The following RAB12 variants were observed in gnomAD, a reference collection of about 807,000 sequenced individuals.
RAB12 encodes RAB12, member RAS oncogene family.
Under a neutral mutation model 28.4 loss-of-function variants are expected in RAB12, and 11 were observed. The observed-to-expected ratio is 0.39, with a 90% CI of 0.24 to 0.64. RAB12 has a LOEUF of 0.64. RAB12 is among the 30% of genes least tolerant of loss of function. The pLI is 0.50. For synonymous variants in RAB12, 138 were observed against 145.3 expected (o/e 0.95, Z 0.36); for missense variants, 276 against 351.1 (o/e 0.79, Z 1.71).
In RAB12 at chr18:8,609,794, G is replaced by T; in HGVS notation, c.355G>T (p.Ala119Ser). 2.1e-6 allele frequency: 3 copies of T among 1,404,428 alleles called. No homozygotes were observed. Among genetic ancestry groups the T allele is most frequent in the South Asian group, 1.6e-5 (1 of 62,018 alleles). The allele number at this position is 1,404,428 out of a possible 1,614,324, so 87.0% of individuals were successfully genotyped here. ...GGGGLGAGSPALSGGQGRRRK... is the reference protein window; with the variant it reads ...GGGGLGAGSPSLSGGQGRRRK... Reference sequence around the variant, plus strand: ...CGGCGGTCTGGGCGCGGGCTCCCCGGCGCTGTCGGGCGGCCAGGGCCGCCG... The same window carrying T: ...CGGCGGTCTGGGCGCGGGCTCCCCGTCGCTGTCGGGCGGCCAGGGCCGCCG... The change falls in exon 1 of 6, where the codon GCG (alanine) becomes TCG (serine). Residue 119 changes from alanine to serine, a missense_variant. By Grantham distance (99) the Ala-to-Ser change is moderately conservative. This residue lies in a region of RAB12 where 76 missense variants were observed against 117.9 expected (regional missense o/e 0.64). Coordinates refer to ENST00000649141, the MANE Select transcript of RAB12 (RefSeq NM_001025300.3).
intron 1 of RAB12, among the ~76,000 whole-genome samples, chr18:8,623,810 A>G (rs186719325): frequency 5.4e-4 from 83 of 152,346 alleles, no homozygotes; most frequent in Non-Finnish European, 9.1e-4. Flanking sequence ...GTGACATTTT[A>G]TATTCATGCA....
In RAB12 at chr18:8,633,195, A is replaced by T. The variant is rs755624146; in HGVS notation, c.582A>T (p.Thr194=). 1.2e-6 allele frequency: 2 copies of T among 1,614,056 alleles called. No homozygotes were observed. Among genetic ancestry groups the T allele is most frequent in the Non-Finnish European group, 8.5e-7 (1 of 1,180,036 alleles). The part of the protein sequence containing the change: ...GKKIRLQIWD[T]AGQERFNSIT... ...TTTGGCTGCTTTTTCTTAGGGACAC[A>T]GCAGGTCAGGAGAGATTCAACAGCA... Residue 194 remains threonine, a synonymous_variant, in exon 3 of 6, where the codon ACA becomes ACT. Coordinates refer to ENST00000649141, the MANE Select transcript of RAB12 (RefSeq NM_001025300.3).
intron 5 of RAB12, 128 bp downstream of exon 5, chr18:8,636,485 G>C: frequency 3.2e-6 from 2 of 619,324 alleles, no homozygotes; most frequent in African/African-American, 1.9e-5. Flanking sequence ...GCAAGAACCA[G>C]GTATGGTTGT....
At chr18:8,631,920 CTG>C (rs1474216827) in intron 2 of RAB12, among the ~76,000 whole-genome samples, 1 of 152,064 alleles carries the variant, frequency 6.6e-6, no homozygotes, top group Non-Finnish European at 1.5e-5. Context: ...AAGTTTTACT[CTG>C]TAAAGGATTT....
chr18:8,631,466 ACT>A (rs1396701188), intron 2 of RAB12, among the ~76,000 whole-genome samples: 3 of 152,018 alleles, frequency 2.0e-5, no homozygotes, highest in Admixed American at 1.3e-4. Context: ...GTGCCATGAG[ACT>A]CTGCCCACTA....
chr18:8,635,750 C>T (rs1479612807), intron 4 of RAB12, 128 bp downstream of exon 4: 2 of 594,570 alleles, frequency 3.4e-6, no homozygotes, highest in African/African-American at 3.8e-5. Flanking sequence ...TCAGTCACAT[C>T]CTCCTAATTT....
intron 1 of RAB12, among the ~76,000 whole-genome samples, chr18:8,611,800 T>C (rs2096003971): frequency 6.6e-6 from 1 of 152,206 alleles, no homozygotes; most frequent in African/African-American, 2.4e-5. Context: ...AACATGCACT[T>C]ACCCGAGCAC....
intron 1 of RAB12, among the ~76,000 whole-genome samples, chr18:8,619,218 G>A (rs2096008410): frequency 6.6e-6 from 1 of 152,168 alleles, no homozygotes; most frequent in Admixed American, 6.5e-5. Flanking sequence ...TTGGTGGAAC[G>A]AGGAGAAGTG....
At chr18:8,629,553 A>G (rs542712590) in intron 2 of RAB12, among the ~76,000 whole-genome samples, 1 of 152,328 alleles carries the variant, frequency 6.6e-6, no homozygotes, top group Non-Finnish European at 1.5e-5. Context: ...ACAGAAACAT[A>G]CCCACCTCTG....
intron 4 of RAB12, 35 bp from the exon 5 acceptor site, chr18:8,636,218 C>A: frequency 7.0e-7 from 1 of 1,436,174 alleles, no homozygotes; most frequent in Non-Finnish European, 9.8e-7. Context: ...CTGTGAGGCC[C>A]CACACAGAGG....
At chr18:8,628,842 GT>G (rs1182754924) in intron 2 of RAB12, among the ~76,000 whole-genome samples, 1 of 152,118 alleles carries the variant, frequency 6.6e-6, no homozygotes, top group Non-Finnish European at 1.5e-5. Flanking sequence ...TGTGCCTCCA[GT>G]TTCTGGATTC....
intron 1 of RAB12, among the ~76,000 whole-genome samples, chr18:8,624,709 G>C (rs546873903): frequency 1.3e-5 from 2 of 152,252 alleles, no homozygotes; most frequent in Non-Finnish European, 2.9e-5. Context: ...CGATCACTCA[G>C]GATAAGACAT....
intron 2 of RAB12, chr18:8,632,893 T>C (rs1036929105): frequency 1.3e-4 from 42 of 334,856 alleles, no homozygotes; most frequent in Non-Finnish European, 1.6e-5. Flanking sequence ...CTGTTGCTGA[T>C]TTTCTGTCTT....
chr18:8,630,343 T>C (rs1447423223), intron 2 of RAB12, among the ~76,000 whole-genome samples: 1 of 152,214 alleles, frequency 6.6e-6, no homozygotes, highest in Admixed American at 6.5e-5. Context: ...TAGCAGTTGG[T>C]TGAAAGAGTT....
chr18:8,632,952 A>G, intron 2 of RAB12: 1 of 494,078 alleles, frequency 2.0e-6, no homozygotes, highest in Non-Finnish European at 3.5e-6. Flanking sequence ...TTCATAATCC[A>G]TCTCCATTAA....
rs777557654 is a variant in RAB12, at chr18:8,610,046, G to A, written c.514+93G>A. 4.2e-6 allele frequency: 4 copies of A among 950,464 alleles called. No individual in the cohort carries two copies. The Admixed American group carries it at 6.7e-5, about 16-fold the overall frequency. The allele number at this position is 950,464 out of a possible 1,614,324, so 58.9% of individuals were successfully genotyped here. A position where few individuals can be genotyped will look rare whatever the true frequency, so the allele number is the denominator to read the frequency against. ...GCTTCGAGTCTCATCGAGCCTGGGAGTCTTTCGGGGATGGGCCTCTCGGTG... is the reference window on the plus strand; with the variant it reads ...GCTTCGAGTCTCATCGAGCCTGGGAATCTTTCGGGGATGGGCCTCTCGGTG... On this transcript the variant is annotated intron_variant, in intron 1 of 5. Coordinates refer to ENST00000649141, the MANE Select transcript of RAB12 (RefSeq NM_001025300.3).
chr18:8,635,673 G>T (rs764127238), intron 4 of RAB12, 51 bp downstream of exon 4: 2 of 1,123,676 alleles, frequency 1.8e-6, no homozygotes, highest in African/African-American at 3.2e-5. Context: ...TAGCGCTTGA[G>T]GTACTGTTTC....
chr18:8,610,132 G>GT lies in RAB12; in HGVS notation c.514+183dup, dbSNP rs1049688717. On this transcript the variant is annotated intron_variant, in intron 1 of 5. Transcript: ENST00000649141. Reference sequence around the variant, plus strand: ...ATCCCAATCCCAAAGCCTGGCAGAGGTTTTCGTGCCGCCTCCGGGCAGACC... The same window carrying GT: ...ATCCCAATCCCAAAGCCTGGCAGAGGTTTTTCGTGCCGCCTCCGGGCAGACC... 9 of 527,002 alleles carry GT rather than the reference G, an allele frequency of 1.7e-5. No individual in the cohort carries two copies. The African/African-American group carries it at 1.8e-4, about 11-fold the overall frequency. The allele number at this position is 527,002 out of a possible 1,614,324, so 32.6% of individuals were successfully genotyped here.
In RAB12 at chr18:8,635,515, T is replaced by G. The variant is rs2096018384; in HGVS notation, c.715-18T>G. 6.3e-7 allele frequency: 1 copy of G among 1,587,612 alleles called. No individual in the cohort carries two copies. The highest frequency in any genetic ancestry group is 1.1e-5 in the South Asian group (1 of 89,708). On this transcript the variant is annotated intron_variant, in intron 3 of 5. Coordinates refer to ENST00000649141, the MANE Select transcript of RAB12 (RefSeq NM_001025300.3). ...CGATGCCCATCTTTGAAATGTGGCT[T>G]CTTTTAAAATTCCACAGTATGCTTC... is the stretch of plus-strand genomic sequence containing the variant.
Sources: gnomAD v4.1 joint callset for allele counts (sites outside exome capture counted in the v4.1 genomes callset) on GRCh38, gnomAD v4.1.1 for gene constraint, gnomAD v4.1.1 regional missense constraint, MANE v1.5 for transcripts, NCBI Gene and HGNC (gene_info 2026-07-23, HGNC 2026-07-21) for gene names.